The following CADPS2 variants were observed in gnomAD, a reference collection of about 807,000 sequenced individuals.
CADPS2 encodes calcium-dependent secretion activator 2.
Under a neutral mutation model 172.5 loss-of-function variants are expected in CADPS2, and 93 were observed. The ratio of observed to expected loss-of-function variants is 0.54; its 90% CI spans 0.46 to 0.64. The LOEUF (loss-of-function observed/expected upper bound fraction) is 0.64. CADPS2 is among the 30% of genes least tolerant of loss of function. CADPS2 has a pLI of 0.00. For missense variants in CADPS2, 1,420 were observed against 1,565.9 expected (o/e 0.91, Z 1.57); for synonymous variants, 546 against 555.2 (o/e 0.98, Z 0.23).
In CADPS2 at chr7:122,486,249, C is replaced by T. The variant is rs376864007; in HGVS notation, c.1852+3832G>A. 7.9e-5 allele frequency among the ~76,000 whole-genome samples: 12 copies of T among 151,858 alleles called. No individual in the cohort carries two copies. The East Asian group carries it at 2.3e-3, about 29-fold the overall frequency. ...GCCATACATAGTAATTCCTATGAGA[C>T]ATCTGGGAAAAGTAAATTGAAAACC... On this transcript the variant is annotated intron_variant, in intron 11 of 29. Coordinates refer to ENST00000449022, the MANE Select transcript of CADPS2 (RefSeq NM_017954.11).
intron 1 of CADPS2, among the ~76,000 whole-genome samples, chr7:122,748,857 C>A (rs1285035530): frequency 6.6e-6 from 1 of 151,892 alleles, no homozygotes; most frequent in African/African-American, 2.4e-5. Flanking sequence ...CAACTCAAAA[C>A]GCCCTGTTAA....
intron 2 of CADPS2, among the ~76,000 whole-genome samples, chr7:122,712,789 G>T (rs1425726373): frequency 6.6e-6 from 1 of 152,106 alleles, no homozygotes; most frequent in Non-Finnish European, 1.5e-5. Context: ...TTGCTTTCTG[G>T]TTAATAGAAA....
Position 122,399,660 on chromosome 7 carries a change from C to CTTTTT in CADPS2, c.2747-6083_2747-6079dup, listed in dbSNP as rs1008163151. Among the ~76,000 whole-genome samples, 70 of 51,224 alleles carry CTTTTT rather than the reference C, an allele frequency of 1.4e-3. 14 individuals are homozygous for CTTTTT. Among genetic ancestry groups the CTTTTT allele is most frequent in the East Asian group, 2.7e-3 (4 of 1,478 alleles). 33.6% of individuals were successfully genotyped at this position (51,224 alleles called of 152,430 possible). On this transcript the variant is annotated intron_variant, in intron 20 of 29. Transcript: ENST00000449022. Reference sequence around the variant, plus strand: ...CGATAACTCTCTCAAGGGTGGGTTTCTTTTTTTTTTTTTTTTTTTTTTTTT... The same window carrying CTTTTT: ...CGATAACTCTCTCAAGGGTGGGTTTCTTTTTTTTTTTTTTTTTTTTTTTTTTTTTT...
At chr7:122,468,622 A>G (rs897572148) in intron 14 of CADPS2, among the ~76,000 whole-genome samples, 10 of 152,298 alleles carry the variant, frequency 6.6e-5, no homozygotes, top group African/African-American at 2.2e-4. Flanking sequence ...TAGTACCTTC[A>G]CATTAGTATT....
At chr7:122,697,621 C>A in intron 2 of CADPS2, 7 of 561,636 alleles carry the variant, frequency 1.2e-5, no homozygotes, top group South Asian at 3.2e-5. Context: ...CAAAAAAAAT[C>A]CCGCTAGGAC....
intron 1 of CADPS2, among the ~76,000 whole-genome samples, chr7:122,855,151 G>A (rs778295746): frequency 6.6e-6 from 1 of 152,166 alleles, no homozygotes; most frequent in Non-Finnish European, 1.5e-5. Context: ...CAAGACCCTA[G>A]AAAAGAGGGT....
At chr7:122,478,342 A>C (rs1315551246) in intron 12 of CADPS2, among the ~76,000 whole-genome samples, 1 of 152,250 alleles carries the variant, frequency 6.6e-6, no homozygotes, top group Non-Finnish European at 1.5e-5. Context: ...CTATGAGCTT[A>C]AGCAGTATAC....
intron 8 of CADPS2, among the ~76,000 whole-genome samples, chr7:122,521,050 C>T (rs1263969242): frequency 1.3e-5 from 2 of 151,776 alleles, no homozygotes; most frequent in African/African-American, 4.8e-5. Context: ...CTTCTACAAG[C>T]CTTCATTTTT....
At chr7:122,682,943 T>C (rs899946220) in intron 2 of CADPS2, among the ~76,000 whole-genome samples, 2 of 152,324 alleles carry the variant, frequency 1.3e-5, no homozygotes, top group African/African-American at 4.8e-5. Flanking sequence ...CAAGCAATTG[T>C]AGAGACTGGA....
chr7:122,746,992 G>A (rs1332164246), intron 1 of CADPS2, among the ~76,000 whole-genome samples: 2 of 152,098 alleles, frequency 1.3e-5, no homozygotes, highest in Non-Finnish European at 2.9e-5. Context: ...TTCTCTGAGA[G>A]TGAAAAGGAC....
chr7:122,632,385 T>G (rs2076660018), intron 3 of CADPS2, among the ~76,000 whole-genome samples: 1 of 152,222 alleles, frequency 6.6e-6, no homozygotes, highest in Middle Eastern at 3.2e-3. Flanking sequence ...TTTGACTTTT[T>G]GATAATAGCC....
intron 6 of CADPS2, among the ~76,000 whole-genome samples, chr7:122,591,355 G>C (rs922184309): frequency 1.3e-5 from 2 of 152,016 alleles, no homozygotes; most frequent in African/African-American, 2.4e-5. Context: ...ACAAATGGAA[G>C]AACATTCCAT....
intron 2 of CADPS2, among the ~76,000 whole-genome samples, chr7:122,709,910 G>T (rs2088398684): frequency 6.6e-6 from 1 of 151,902 alleles, no homozygotes; most frequent in Non-Finnish European, 1.5e-5. Context: ...ACTGTTGTGG[G>T]GTTGGGGGAG....
intron 5 of CADPS2, 51 bp from the exon 6 acceptor site, chr7:122,615,350 A>C: frequency 8.1e-7 from 1 of 1,239,710 alleles, no homozygotes; most frequent in Admixed American, 2.2e-5. Flanking sequence ...AACATTTAGC[A>C]ATATACATAA....
At chr7:122,435,729 T>C (rs1024302398) in intron 17 of CADPS2, among the ~76,000 whole-genome samples, 1 of 152,136 alleles carries the variant, frequency 6.6e-6, no homozygotes, top group African/African-American at 2.4e-5. Flanking sequence ...CCCATGTTCA[T>C]TGCAGCATTA....
intron 1 of CADPS2, among the ~76,000 whole-genome samples, chr7:122,781,484 C>T (rs1161074718): frequency 6.6e-6 from 1 of 152,120 alleles, no homozygotes; most frequent in Non-Finnish European, 1.5e-5. Flanking sequence ...TTATACTTCA[C>T]TGTATTGTAA....
At chr7:122,517,004 A>T (rs923210401) in intron 8 of CADPS2, among the ~76,000 whole-genome samples, 2 of 152,134 alleles carry the variant, frequency 1.3e-5, no homozygotes, top group Admixed American at 6.6e-5. Flanking sequence ...CAACTTATAG[A>T]ACATTTCCAC....
chr7:122,341,233 A>G (rs2036739239), intron 28 of CADPS2, among the ~76,000 whole-genome samples: 1 of 152,212 alleles, frequency 6.6e-6, no homozygotes, highest in South Asian at 2.1e-4. Flanking sequence ...TTTTCTATTA[A>G]TCTACTGCAC....
chr7:122,723,491 C>T (rs2090719757), intron 2 of CADPS2, among the ~76,000 whole-genome samples: 1 of 152,148 alleles, frequency 6.6e-6, no homozygotes, highest in Non-Finnish European at 1.5e-5. Context: ...CCATCTCAAA[C>T]CAGTTAGAAT....
Sources: gnomAD v4.1 joint callset for allele counts (sites outside exome capture counted in the v4.1 genomes callset) on GRCh38, gnomAD v4.1.1 for gene constraint, MANE v1.5 for transcripts, NCBI Gene and HGNC (gene_info 2026-07-23, HGNC 2026-07-21) for gene names.